CDH12: variants seen among roughly 807,000 people sequenced by gnomAD.
CDH12 encodes the protein cadherin-12.
CDH12 carries 41 observed loss-of-function variants against 74.1 expected under a neutral mutation model. The ratio of observed to expected loss-of-function variants is 0.55; its 90% CI spans 0.43 to 0.72. The LOEUF (loss-of-function observed/expected upper bound fraction) is 0.72. CDH12 is among the 30% of genes least tolerant of loss of function. The pLI, the probability that CDH12 is intolerant of heterozygous loss-of-function variation, is 0.00. For missense variants in CDH12, 945 were observed against 977.2 expected, an observed-to-expected ratio of 0.97 and a Z score of 0.44; for synonymous variants, 399 against 355.0, an observed-to-expected ratio of 1.12 and a Z score of -1.39.
At chr5:22,127,867 A>G (rs1203688175) in intron 4 of CDH12, among the ~76,000 whole-genome samples, 3 of 152,112 alleles carry the variant, frequency 2.0e-5, no homozygotes, top group African/African-American at 7.2e-5. Context: ...AGATACAAGC[A>G]GCCATTATGT....
rs1750673357 is a variant in CDH12, at chr5:21,854,866, C to T, written c.527-76G>A. On this transcript the variant is annotated intron_variant, in intron 6 of 14. Coordinates refer to ENST00000382254, the MANE Select transcript of CDH12 (RefSeq NM_004061.5). ...GGTCATGACTCTTATCTGCTGGACTCGATTTTCCTTTGGTATTTGACCTAC... is the reference window on the plus strand; with the variant it reads ...GGTCATGACTCTTATCTGCTGGACTTGATTTTCCTTTGGTATTTGACCTAC... 1.4e-5 allele frequency: 20 copies of T among 1,392,604 alleles called. No homozygotes were observed. The South Asian group carries it at 1.9e-4, about 13-fold the overall frequency. 86.3% of individuals were successfully genotyped at this position (1,392,604 alleles called of 1,614,324 possible).
intron 1 of CDH12, among the ~76,000 whole-genome samples, chr5:22,648,870 T>A (rs1490610871): frequency 6.6e-6 from 1 of 151,974 alleles, no homozygotes; most frequent in East Asian, 1.9e-4. Context: ...AGAGAATTAT[T>A]TTTCTTGCCA....
intron 1 of CDH12, among the ~76,000 whole-genome samples, chr5:22,579,124 T>G (rs2126779559): frequency 6.6e-6 from 1 of 152,296 alleles, no homozygotes; most frequent in African/African-American, 2.4e-5. Flanking sequence ...CTCTAAATAC[T>G]GGAATCTCTA....
At chr5:22,839,675 A>G (rs1189724590) in intron 1 of CDH12, among the ~76,000 whole-genome samples, 1 of 151,762 alleles carries the variant, frequency 6.6e-6, no homozygotes, top group Non-Finnish European at 1.5e-5. Context: ...AATTACTTAT[A>G]CCCTTCACGG....
At chr5:22,090,831 CAG>C (rs1406177941) in intron 4 of CDH12, among the ~76,000 whole-genome samples, 2 of 151,876 alleles carry the variant, frequency 1.3e-5, no homozygotes, top group African/African-American at 4.8e-5. Flanking sequence ...ACAAAACAAA[CAG>C]AGGATCATGT....
At chr5:22,259,137 C>T (rs941764648) in intron 3 of CDH12, among the ~76,000 whole-genome samples, 22 of 152,116 alleles carry the variant, frequency 1.4e-4, no homozygotes, top group Admixed American at 1.4e-3. Context: ...AATATATAAA[C>T]TCAAATATTG....
chr5:22,748,204 T>A (rs1256828742), intron 1 of CDH12, among the ~76,000 whole-genome samples: 1 of 152,244 alleles, frequency 6.6e-6, no homozygotes, highest in Non-Finnish European at 1.5e-5. Flanking sequence ...TTCTATTTTC[T>A]GTATACAACT....
intron 3 of CDH12, among the ~76,000 whole-genome samples, chr5:22,386,746 A>G (rs1026228108): frequency 5.3e-5 from 8 of 152,018 alleles, no homozygotes; most frequent in African/African-American, 1.9e-4. Context: ...AAGATGAAAA[A>G]CCAATAATAT....
At chr5:22,426,440 C>A (rs1743944291) in intron 2 of CDH12, among the ~76,000 whole-genome samples, 2 of 151,812 alleles carry the variant, frequency 1.3e-5, no homozygotes, top group South Asian at 2.1e-4. Flanking sequence ...TAGTTCTTTT[C>A]TATTTATAAC....
chr5:22,182,888 A>G (rs1418795101), intron 4 of CDH12, among the ~76,000 whole-genome samples: 2 of 152,004 alleles, frequency 1.3e-5, no homozygotes, highest in Non-Finnish European at 2.9e-5. Context: ...ATAAGAAGAT[A>G]GCGATGAAGC....
intron 3 of CDH12, among the ~76,000 whole-genome samples, chr5:22,360,985 G>T (rs920295149): frequency 2.0e-5 from 3 of 152,108 alleles, no homozygotes; most frequent in African/African-American, 7.2e-5. Context: ...TACTGAATGG[G>T]CAAAAACTGG....
chr5:22,667,312 C>T (rs184867230), intron 1 of CDH12, among the ~76,000 whole-genome samples: 1 of 152,284 alleles, frequency 6.6e-6, no homozygotes, highest in Admixed American at 6.5e-5. Context: ...GTCATTTCCT[C>T]AGATCTCAGC....
chr5:22,107,421 G>A (rs546743762), intron 4 of CDH12, among the ~76,000 whole-genome samples: 7 of 148,602 alleles, frequency 4.7e-5, no homozygotes, highest in East Asian at 2.0e-4. Flanking sequence ...GTGAGCCACC[G>A]TGCTGGGCCT....
chr5:22,503,124 A>G (rs1736239392), intron 2 of CDH12, among the ~76,000 whole-genome samples: 1 of 152,118 alleles, frequency 6.6e-6, no homozygotes, highest in Non-Finnish European at 1.5e-5. Flanking sequence ...ATGCTCATCT[A>G]ACCATATGAA....
chr5:22,671,151 A>T (rs1259889207), intron 1 of CDH12, among the ~76,000 whole-genome samples: 1 of 152,138 alleles, frequency 6.6e-6, no homozygotes, highest in Non-Finnish European at 1.5e-5. Flanking sequence ...TAATGTATAC[A>T]ATTTCACTAG....
At chr5:22,702,760 T>C (rs2126961737) in intron 1 of CDH12, among the ~76,000 whole-genome samples, 1 of 152,192 alleles carries the variant, frequency 6.6e-6, no homozygotes, top group South Asian at 2.1e-4. Flanking sequence ...TTGCTGTTCT[T>C]ACTACTGGGA....
intron 6 of CDH12, among the ~76,000 whole-genome samples, chr5:21,900,062 G>C (rs987805890): frequency 1.3e-5 from 2 of 151,980 alleles, no homozygotes; most frequent in Non-Finnish European, 2.9e-5. Flanking sequence ...GGTACTTACA[G>C]ACCATTTTAA....
In CDH12 at chr5:21,894,199, T is replaced by C. The variant is rs116786460; in HGVS notation, c.527-39409A>G. On this transcript the variant is annotated intron_variant, in intron 6 of 14. Coordinates refer to ENST00000382254, the MANE Select transcript of CDH12 (RefSeq NM_004061.5). ...TTCGAGACCAGTCTCATGAGTATAGTGACACCTTGTCTCTACTAAAAATAC... is the reference window on the plus strand; with the variant it reads ...TTCGAGACCAGTCTCATGAGTATAGCGACACCTTGTCTCTACTAAAAATAC... Among the ~76,000 whole-genome samples the C allele has an allele frequency of 5.6e-3, 857 of 151,978 alleles. 7 individuals are homozygous for C. The highest frequency in any genetic ancestry group is 0.02 in the African/African-American group (812 of 41,460).
At chr5:22,305,920 C>G (rs1738086550) in intron 3 of CDH12, among the ~76,000 whole-genome samples, 1 of 152,196 alleles carries the variant, frequency 6.6e-6, no homozygotes, top group South Asian at 2.1e-4. Context: ...CTAAGGCACC[C>G]TGAATGATCT....
Sources: gnomAD v4.1 joint callset for allele counts (sites outside exome capture counted in the v4.1 genomes callset) on GRCh38, gnomAD v4.1.1 for gene constraint, MANE v1.5 for transcripts, NCBI Gene and HGNC (gene_info 2026-07-23, HGNC 2026-07-21) for gene names.